Variants in PUDP observed in about 807,000 individuals in gnomAD.
PUDP encodes the protein pseudouridine 5'-phosphatase, also known as pseudouridine-5'-phosphatase.
A neutral mutation model predicts 9.4 loss-of-function variants in PUDP; 8 were observed. The ratio of observed to expected loss-of-function variants is 0.85; its 90% CI spans 0.50 to 1.53. The LOEUF (loss-of-function observed/expected upper bound fraction) is 1.53. Among genes scored for constraint, PUDP ranks in the 40% most tolerant of loss-of-function variants. PUDP has a pLI of 0.00. For synonymous variants in PUDP, 99 were observed against 80.7 expected, an observed-to-expected ratio of 1.23 and a Z score of -1.22; for missense variants, 188 against 189.7, an observed-to-expected ratio of 0.99 and a Z score of 0.05.
intron 1 of PUDP, chrX:6,706,548 G>A (rs1205423663): frequency 8.9e-6 from 1 of 112,020 alleles, no homozygotes; most frequent in Non-Finnish European, 1.9e-5. Flanking sequence ...GATTACCAGA[G>A]TAGACATCAG....
At chrX:6,808,456 T>A (rs1241340238) in intron 3 of PUDP, among the ~76,000 whole-genome samples, 1 of 112,112 alleles carries the variant, frequency 8.9e-6, no homozygotes, top group Admixed American at 9.5e-5. Context: ...GGTTATGATG[T>A]GTGCCTCCAG....
At chrX:6,850,538 G>A (rs1056664393) in intron 3 of PUDP, among the ~76,000 whole-genome samples, 2 of 112,402 alleles carry the variant, frequency 1.8e-5, no homozygotes, top group South Asian at 7.3e-4. Flanking sequence ...AATCTCAACT[G>A]CGCAGGCAGC....
At chrX:6,753,123 C>T (rs979475067) in intron 3 of PUDP, among the ~76,000 whole-genome samples, 3 of 111,027 alleles carry the variant, frequency 2.7e-5, no homozygotes, top group African/African-American at 9.8e-5. Context: ...CTCTCACACC[C>T]TTCCCATCCT....
intron 3 of PUDP, among the ~76,000 whole-genome samples, chrX:6,901,003 C>G (rs1927676651): frequency 9.0e-6 from 1 of 110,947 alleles, no homozygotes. Flanking sequence ...GTCTCCATCT[C>G]TTGACCTCGT....
intron 3 of PUDP, among the ~76,000 whole-genome samples, chrX:6,880,429 G>A (rs1927330058): frequency 8.9e-6 from 1 of 111,896 alleles, no homozygotes; most frequent in South Asian, 3.7e-4. Context: ...GAATGCCATT[G>A]TCCTATCATT....
chrX:6,841,404 C>T (rs1462658608), intron 3 of PUDP, among the ~76,000 whole-genome samples: 1 of 110,296 alleles, frequency 9.1e-6, no homozygotes, highest in African/African-American at 3.3e-5. Flanking sequence ...CCAGCCTGGA[C>T]AACACAGCAA....
chrX:6,788,012 T>A (rs895946317), intron 3 of PUDP, among the ~76,000 whole-genome samples: 10 of 111,982 alleles, frequency 8.9e-5, no homozygotes, highest in Non-Finnish European at 1.9e-4. Flanking sequence ...CCACTGATAA[T>A]TGTTCAAAGT....
intron 2 of PUDP, among the ~76,000 whole-genome samples, chrX:7,078,449 C>T (rs1282099796): frequency 1.8e-5 from 2 of 111,661 alleles, no homozygotes; most frequent in Admixed American, 9.4e-5. Context: ...TGTGCCACCA[C>T]GCCCAGCTAA....
At chrX:6,916,425 T>A (rs983555711) in intron 3 of PUDP, among the ~76,000 whole-genome samples, 1 of 103,700 alleles carries the variant, frequency 9.6e-6, no homozygotes, top group Non-Finnish European at 2.0e-5. Flanking sequence ...TTTTTTTTTT[T>A]GCAATTATGA....
At chrX:7,099,127 A>G (rs759903688) in intron 2 of PUDP, among the ~76,000 whole-genome samples, 1 of 112,694 alleles carries the variant, frequency 8.9e-6, no homozygotes, top group African/African-American at 3.2e-5. Context: ...AAAGGCACCA[A>G]CTTTCTTCTT....
chrX:6,865,391 T>C (rs1360106731), intron 3 of PUDP, among the ~76,000 whole-genome samples: 2 of 112,132 alleles, frequency 1.8e-5, no homozygotes, highest in African/African-American at 3.2e-5. Context: ...ATTCAGAGAC[T>C]TGCAACTGTT....
downstream of PUDP, among the ~76,000 whole-genome samples, chrX:7,046,608 A>G (rs1176815101): frequency 1.8e-5 from 2 of 112,417 alleles, no homozygotes; most frequent in Admixed American, 1.9e-4. Flanking sequence ...TTATCTATTT[A>G]TTCTCAGTTT....
intron 1 of PUDP, among the ~76,000 whole-genome samples, chrX:6,708,163 CCTGT>C (rs1478561153): frequency 8.9e-6 from 1 of 111,794 alleles, no homozygotes; most frequent in Non-Finnish European, 1.9e-5. Context: ...GAAAGAATAG[CCTGT>C]CTGTTTCCAC....
chrX:6,877,941 G>A (rs773176873), intron 3 of PUDP, among the ~76,000 whole-genome samples: 3 of 111,772 alleles, frequency 2.7e-5, no homozygotes, highest in African/African-American at 9.7e-5. Context: ...CGCGGGTTAG[G>A]CAAACCTCAT....
At chrX:7,061,520 CAG>C (rs1461940063) in intron 3 of PUDP, among the ~76,000 whole-genome samples, 1 of 111,217 alleles carries the variant, frequency 9.0e-6, no homozygotes, top group Admixed American at 9.6e-5. Flanking sequence ...GAAGGCTTCA[CAG>C]AGTAGGAAAG....
At chrX:7,097,517 C>G (rs1047737138) in intron 2 of PUDP, among the ~76,000 whole-genome samples, 1 of 112,120 alleles carries the variant, frequency 8.9e-6, no homozygotes, top group Non-Finnish European at 1.9e-5. Flanking sequence ...TTCTACATCC[C>G]TTTGGCATCT....
chrX:6,902,699 G>C (rs1157122051), intron 3 of PUDP, among the ~76,000 whole-genome samples: 1 of 111,517 alleles, frequency 9.0e-6, no homozygotes, highest in Non-Finnish European at 1.9e-5. Flanking sequence ...TGGTGGTCTG[G>C]CTGGTGCCAT....
At chrX:6,846,723 A>C (rs934736267) in intron 3 of PUDP, among the ~76,000 whole-genome samples, 2 of 111,818 alleles carry the variant, frequency 1.8e-5, no homozygotes, top group African/African-American at 3.2e-5. Flanking sequence ...CTGATGAGCT[A>C]CTTTGTTCTA....
intron 3 of PUDP, among the ~76,000 whole-genome samples, chrX:6,950,082 A>C (rs1928527250): frequency 9.0e-6 from 1 of 110,983 alleles, no homozygotes; most frequent in African/African-American, 3.3e-5. Context: ...TCACACCTGT[A>C]ATCTCAGCAC....
Sources: allele counts gnomAD v4.1 joint callset (sites outside exome capture counted in the v4.1 genomes callset), GRCh38; gene constraint gnomAD v4.1.1; transcripts MANE v1.5; gene names NCBI Gene and HGNC (gene_info 2026-07-23, HGNC 2026-07-21).